The following POLR1A variants were observed in gnomAD, a reference collection of about 807,000 sequenced individuals.
The protein encoded by POLR1A is RNA polymerase I subunit A, also known as DNA-directed RNA polymerase I subunit RPA1.
POLR1A carries 84 observed loss-of-function variants against 205.3 expected under a neutral mutation model. That is an observed-to-expected ratio of 0.41 (90% confidence interval 0.34 to 0.49). The LOEUF is 0.49. Ranked by LOEUF, POLR1A falls within the 20% of genes least tolerant of loss-of-function variation. The pLI is 0.22. For missense variants in POLR1A, 1,645 were observed against 2,204.5 expected (o/e 0.75, Z 5.08); for synonymous variants, 799 against 863.7 (o/e 0.93, Z 1.31).
chr2:86,062,351 G>A (rs971319145), intron 14 of POLR1A, among the ~76,000 whole-genome samples: 10 of 152,104 alleles, frequency 6.6e-5, no homozygotes, highest in African/African-American at 9.7e-5. Context: ...AAGGATCCAA[G>A]GTGCAGTCTC....
chr2:86,031,491 C>T lies in POLR1A; in HGVS notation c.4417G>A (p.Asp1473Asn). Residue 1473 changes from aspartate to asparagine, a missense_variant, in exon 30 of 34, where the codon GAC becomes AAC. Asp to Asn is a conservative substitution (Grantham distance 23). Coordinates refer to ENST00000263857, the MANE Select transcript of POLR1A (RefSeq NM_015425.6). ...GTCAGGAGGGCGGGAAGGGACGGGTCCTCCTCAGTGCCTAAGCCCACCTCT... is the reference window on the plus strand; with the variant it reads ...GTCAGGAGGGCGGGAAGGGACGGGTTCTCCTCAGTGCCTAAGCCCACCTCT... ...DEEVGLGTEE[D>N]PSLPALLTQP... 6.2e-7 allele frequency: 1 copy of T among 1,614,178 alleles called. No individual in the cohort carries two copies. Among genetic ancestry groups the T allele is most frequent in the Non-Finnish European group, 8.5e-7 (1 of 1,180,002 alleles).
intron 3 of POLR1A, among the ~76,000 whole-genome samples, chr2:86,091,363 C>T (rs967420554): frequency 1.3e-5 from 2 of 152,110 alleles, no homozygotes; most frequent in African/African-American, 4.8e-5. Flanking sequence ...CCAAGCAATC[C>T]TCCCACCTCA....
Position 86,032,369 on chromosome 2 carries a change from C to T in POLR1A, c.4175G>A (p.Gly1392Asp). 1 of 1,611,686 alleles carries T rather than the reference C, an allele frequency of 6.2e-7. No homozygotes were observed. The highest frequency in any genetic ancestry group is 8.5e-7 in the Non-Finnish European group (1 of 1,177,788). ...AATGTGCCCCTCCTCTTCCTCATCACCCTCCTGCTCTCCCTGTGGTTTGTG... is the reference window on the plus strand; with the variant it reads ...AATGTGCCCCTCCTCTTCCTCATCATCCTCCTGCTCTCCCTGTGGTTTGTG... ...ELGRSRGEQE[G>D]DEEEEGHIVD... The change falls in exon 29 of 34, where the codon GGT becomes GAT. Residue 1392 changes from glycine (G) to aspartate (D), a missense_variant. By Grantham distance (94) the Gly-to-Asp change is moderately conservative (BLOSUM62 -1). Around this residue, in one of 16 missense-constraint regions of POLR1A, gnomAD observed 394 missense variants for 468.5 expected, o/e 0.84. Transcript: ENST00000263857.
chr2:86,104,386 C>T (rs1267104767), intron 1 of POLR1A, among the ~76,000 whole-genome samples: 2 of 151,212 alleles, frequency 1.3e-5, no homozygotes, highest in Non-Finnish European at 2.9e-5. Context: ...CTATTTTGCA[C>T]TACGTACACC....
intron 27 of POLR1A, among the ~76,000 whole-genome samples, chr2:86,038,180 C>A (rs987108113): frequency 6.6e-6 from 1 of 152,154 alleles, no homozygotes; most frequent in East Asian, 1.9e-4. Flanking sequence ...GACAGGAACT[C>A]GGGACAGGAA....
intron 27 of POLR1A, 44 bp from the exon 28 acceptor site, chr2:86,033,831 T>A (rs1171238568): frequency 1.2e-6 from 2 of 1,607,446 alleles, no homozygotes; most frequent in Admixed American, 1.7e-5. Flanking sequence ...AGTACCAGCA[T>A]GTCCAGCCCT....
intron 13 of POLR1A, 122 bp downstream of exon 13, chr2:86,069,896 C>T: frequency 9.5e-7 from 1 of 1,047,342 alleles, no homozygotes; most frequent in Non-Finnish European, 1.3e-6. Flanking sequence ...AAACCAGGAC[C>T]CTCCATTCCA....
chr2:86,057,152 G>A (rs1573814965), intron 14 of POLR1A, among the ~76,000 whole-genome samples: 1 of 152,302 alleles, frequency 6.6e-6, no homozygotes, highest in Middle Eastern at 3.4e-3. Flanking sequence ...TGATTCATGG[G>A]AGGAACATCA....
chr2:86,078,062 GTTTATTA>G (rs1673326454), intron 10 of POLR1A, 45 bp downstream of exon 10: 8 of 1,612,036 alleles, frequency 5.0e-6, no homozygotes, highest in East Asian at 2.2e-5. Context: ...AATACACAAT[GTTTATTA>G]TTTATCTTCT....
In POLR1A at chr2:86,078,062, G is replaced by A. The variant is rs1331270819; in HGVS notation, c.1257+52C>T. 3.1e-6 allele frequency: 5 copies of A among 1,612,036 alleles called. No homozygotes were observed. The Admixed American group carries it at 8.4e-5, about 27-fold the overall frequency. ...TTAGTTTCTTGTTTCAATACACAAT[G>A]TTTATTATTTATCTTCTGTAGCTAG... On this transcript the variant is annotated intron_variant, in intron 10 of 33. Coordinates refer to ENST00000263857, the MANE Select transcript of POLR1A (RefSeq NM_015425.6).
At chr2:86,069,824 G>T (rs1013427612) in intron 13 of POLR1A, among the ~76,000 whole-genome samples, 194 bp downstream of exon 13, 1 of 152,212 alleles carries the variant, frequency 6.6e-6, no homozygotes, top group African/African-American at 2.4e-5. Context: ...TTACAACGCA[G>T]CAAAACAGAA....
intron 14 of POLR1A, among the ~76,000 whole-genome samples, chr2:86,062,220 C>T (rs1364078828): frequency 2.6e-5 from 4 of 152,126 alleles, no homozygotes. Flanking sequence ...TTGCCCTTTT[C>T]ACCTATTTGC....
intron 13 of POLR1A, among the ~76,000 whole-genome samples, chr2:86,066,947 A>G (rs1326651508): frequency 1.3e-5 from 2 of 152,114 alleles, no homozygotes; most frequent in South Asian, 2.1e-4. Flanking sequence ...CCAAACCAGT[A>G]TTATGCATTT....
At chr2:86,054,427 A>C (rs966705400) in intron 14 of POLR1A, 138 bp from the exon 15 acceptor site, 6 of 759,792 alleles carry the variant, frequency 7.9e-6, no homozygotes, top group Non-Finnish European at 1.3e-5. Flanking sequence ...TGATGATCTC[A>C]GGTATGGCAA....
intron 16 of POLR1A, among the ~76,000 whole-genome samples, chr2:86,051,180 A>T (rs756614010): frequency 3.3e-5 from 5 of 150,454 alleles, no homozygotes; most frequent in Admixed American, 6.6e-5. Flanking sequence ...CCCAAAGGAC[A>T]TTTATAAATA....
Position 86,043,132 on chromosome 2 carries a change from G to A in POLR1A, c.3199C>T (p.His1067Tyr). 2 of 1,614,070 alleles carry A rather than the reference G, an allele frequency of 1.2e-6. No individual in the cohort carries two copies. Among genetic ancestry groups the A allele is most frequent in the Non-Finnish European group, 1.7e-6 (2 of 1,179,952 alleles). The change falls in exon 23 of 34, where the codon CAC becomes TAC. Residue 1067 changes from histidine (H) to tyrosine (Y), a missense_variant. Around this residue, in one of 16 missense-constraint regions of POLR1A, gnomAD observed 201 missense variants for 222.3 expected, o/e 0.90. Transcript: ENST00000263857. ...LSRADPKKAL[H>Y]HFRAIKKWQS... ...CATTTTTTGATAGCTCTGAAGTGGT[G>A]GAGAGCTTTTTTGGGATCTGCTCTG...
At chr2:86,057,816 G>A (rs2104402938) in intron 14 of POLR1A, among the ~76,000 whole-genome samples, 1 of 152,310 alleles carries the variant, frequency 6.6e-6, no homozygotes, top group East Asian at 1.9e-4. Flanking sequence ...ACTGACTGCT[G>A]TACCTATTAG....
intron 16 of POLR1A, among the ~76,000 whole-genome samples, chr2:86,049,799 A>G (rs1209564479): frequency 1.3e-5 from 2 of 152,196 alleles, no homozygotes; most frequent in African/African-American, 4.8e-5. Flanking sequence ...CTTCAGGAGG[A>G]TGACAGCCTG....
In POLR1A at chr2:86,105,777, C is replaced by T. The variant is rs779898225; in HGVS notation, c.-1G>A. ...AGGGCATGTTCTTGGAGATCAACAT[C>T]CTCCAGGTCCGTTTTGAATTCCGAC... On this transcript the variant is annotated 5_prime_UTR_variant, in exon 1 of 34. Coordinates refer to ENST00000263857, the MANE Select transcript of POLR1A (RefSeq NM_015425.6). 4 of 1,613,226 alleles carry T rather than the reference C, an allele frequency of 2.5e-6. No homozygotes were observed. In the Admixed American group the frequency reaches 6.7e-5, roughly 27 times the overall value.
Sources: gnomAD v4.1 joint callset for allele counts (sites outside exome capture counted in the v4.1 genomes callset) on GRCh38, gnomAD v4.1.1 for gene constraint, gnomAD v4.1.1 regional missense constraint, MANE v1.5 for transcripts, NCBI Gene and HGNC (gene_info 2026-07-23, HGNC 2026-07-21) for gene names.